TYW1B: variants seen among roughly 807,000 people sequenced by gnomAD.
The protein encoded by TYW1B is tRNA-yW synthesizing protein 1 homolog B, also known as S-adenosyl-L-methionine-dependent tRNA 4-demethylwyosine synthase TYW1B.
TYW1B carries 73 observed loss-of-function variants against 86.9 expected under a neutral mutation model. The ratio of observed to expected loss-of-function variants is 0.84; its 90% CI spans 0.70 to 1.02. The LOEUF (loss-of-function observed/expected upper bound fraction) is 1.02. Ranked by LOEUF, TYW1B falls within the 50% of genes least tolerant of loss-of-function variation. The probability of loss-of-function intolerance (pLI) is 0.00; values close to 1 mark genes in which losing one functional copy is unlikely to be tolerated. For missense variants in TYW1B, 637 were observed against 827.4 expected (o/e 0.77, Z 2.82); for synonymous variants, 248 against 292.8 (o/e 0.85, Z 1.56).
At chr7:72,782,094 G>A (rs186725752) in intron 6 of TYW1B, among the ~76,000 whole-genome samples, 1 of 152,088 alleles carries the variant, frequency 6.6e-6, no homozygotes, top group East Asian at 1.9e-4. Context: ...AACCAGCCTG[G>A]GCAACATAGT....
chr7:72,763,475 G>C (rs1183520846), intron 7 of TYW1B, among the ~76,000 whole-genome samples: 1 of 151,574 alleles, frequency 6.6e-6, no homozygotes, highest in Non-Finnish European at 1.5e-5. Flanking sequence ...GTAGAGATGA[G>C]GTTTCACCAT....
chr7:72,647,572 T>C (rs1812959049), intron 11 of TYW1B, among the ~76,000 whole-genome samples: 3 of 152,182 alleles, frequency 2.0e-5, no homozygotes, highest in Non-Finnish European at 2.9e-5. Flanking sequence ...AGGAACATCC[T>C]CCTAACAATA....
intron 3 of TYW1B, among the ~76,000 whole-genome samples, chr7:72,813,656 T>C (rs1318214053): frequency 1.3e-5 from 2 of 152,204 alleles, no homozygotes; most frequent in Non-Finnish European, 2.9e-5. Flanking sequence ...ATCCCCTAAC[T>C]GGGCATGACT....
chr7:72,691,189 GAAGT>G (rs55840708), intron 11 of TYW1B, among the ~76,000 whole-genome samples: 29,085 of 151,996 alleles, frequency 0.19, 3,027 homozygotes, highest in African/African-American at 0.27. Context: ...CATTCAGAAG[GAAGT>G]AACAGCTTGA....
At chr7:72,778,904 A>C (rs1788001218) in intron 6 of TYW1B, among the ~76,000 whole-genome samples, 1 of 150,760 alleles carries the variant, frequency 6.6e-6, no homozygotes, top group Non-Finnish European at 1.5e-5. Context: ...GATGACCCTC[A>C]TTCACTCTGT....
chr7:72,670,913 AT>A (rs1418647210), intron 11 of TYW1B, among the ~76,000 whole-genome samples: 6 of 152,196 alleles, frequency 3.9e-5, no homozygotes, highest in African/African-American at 1.4e-4. Flanking sequence ...ATGTATTTTT[AT>A]TTTTATGATG....
chr7:72,658,283 T>C (rs1585881775), intron 11 of TYW1B, among the ~76,000 whole-genome samples: 1 of 149,520 alleles, frequency 6.7e-6, no homozygotes, highest in South Asian at 2.1e-4. Context: ...GTCATTAAAA[T>C]GAATGACATA....
rs1554455237 is a variant in TYW1B, at chr7:72,713,594, C to T, written c.1370+27G>A. On this transcript the variant is annotated intron_variant, in intron 10 of 13. Transcript: ENST00000620995. ...TGCAGTGAAACATAGATTCAAGCAG[C>T]ATCTCTCCATAGGCTGGAGAACTCA... 3.2e-6 allele frequency: 5 copies of T among 1,564,022 alleles called. No homozygotes were observed. The Admixed American group carries it at 6.2e-5, about 19-fold the overall frequency.
At chr7:72,665,135 G>A (rs1813430566) in intron 11 of TYW1B, among the ~76,000 whole-genome samples, 1 of 152,170 alleles carries the variant, frequency 6.6e-6, no homozygotes, top group African/African-American at 2.4e-5. Context: ...AGCAAGGGGT[G>A]GCTAAGACAC....
intron 3 of TYW1B, among the ~76,000 whole-genome samples, chr7:72,814,420 T>C (rs1336433289): frequency 6.6e-6 from 1 of 151,642 alleles, no homozygotes; most frequent in Non-Finnish European, 1.5e-5. Context: ...CCATCTCTAC[T>C]AAAACTACAA....
chr7:72,683,918 G>C (rs1425787765), intron 11 of TYW1B, among the ~76,000 whole-genome samples: 1 of 152,124 alleles, frequency 6.6e-6, no homozygotes, highest in Non-Finnish European at 1.5e-5. Flanking sequence ...CGAAATGCTG[G>C]AGCTCTAAAA....
chr7:72,578,365 T>G lies in TYW1B; in HGVS notation c.1786-2646A>C, dbSNP rs187806559. ...CTCCTGACCTCGTGATCCGCCTGTC[T>G]TGGCCTCCCAAAGTGCTGGGATAAC... On this transcript the variant is annotated intron_variant, in intron 13 of 13. Transcript: ENST00000620995. Among the ~76,000 whole-genome samples, 71 of 152,256 alleles carry G rather than the reference T, an allele frequency of 4.7e-4. No individual in the cohort carries two copies. In the East Asian group the frequency reaches 0.014, roughly 29 times the overall value.
intron 13 of TYW1B, among the ~76,000 whole-genome samples, chr7:72,613,839 A>C (rs1376398892): frequency 3.3e-5 from 5 of 152,170 alleles, no homozygotes; most frequent in African/African-American, 1.2e-4. Flanking sequence ...GATTAAAGTC[A>C]TGTATCAGTT....
chr7:72,814,779 T>C (rs1289947998), intron 3 of TYW1B, among the ~76,000 whole-genome samples: 1 of 150,078 alleles, frequency 6.7e-6, no homozygotes, highest in Non-Finnish European at 1.5e-5. Flanking sequence ...ATAAAAATAG[T>C]AGGGGTCAGG....
At chr7:72,750,024 G>A (rs74405641) in intron 7 of TYW1B, among the ~76,000 whole-genome samples, 1 of 150,866 alleles carries the variant, frequency 6.6e-6, no homozygotes, top group Non-Finnish European at 1.5e-5. Flanking sequence ...AAGTAGCTGG[G>A]ACTACAAGAC....
chr7:72,821,805 T>G (rs1788831997), intron 2 of TYW1B, among the ~76,000 whole-genome samples: 1 of 152,116 alleles, frequency 6.6e-6, no homozygotes, highest in African/African-American at 2.4e-5. Flanking sequence ...ATTGTAAGGA[T>G]TACAAGTAGA....
Position 72,575,543 on chromosome 7 carries a change from T to C in TYW1B, c.1962A>G (p.Thr654=). 1 of 1,614,018 alleles carries C rather than the reference T, an allele frequency of 6.2e-7. No individual in the cohort carries two copies. Among genetic ancestry groups the C allele is most frequent in the South Asian group, 1.1e-5 (1 of 91,080 alleles). Residue 654 remains threonine, a synonymous_variant, in exon 14 of 14, where the codon ACA becomes ACG. Transcript: ENST00000620995. ...ANERSFDPKD[T]RHQRKNKSKA... ...TTGATTTGTTCTTTCTCTGATGTCTTGTGTCCTTGGGATCAAAGCTTCTTT... is the reference window on the plus strand; with the variant it reads ...TTGATTTGTTCTTTCTCTGATGTCTCGTGTCCTTGGGATCAAAGCTTCTTT...
chr7:72,817,641 C>A (rs116624747), intron 2 of TYW1B, among the ~76,000 whole-genome samples: 15 of 151,648 alleles, frequency 9.9e-5, no homozygotes, highest in African/African-American at 3.6e-4. Flanking sequence ...ACATGTTGAA[C>A]AAAGAATTGA....
At chr7:72,645,567 C>T (rs1347938671) in intron 11 of TYW1B, among the ~76,000 whole-genome samples, 3 of 152,112 alleles carry the variant, frequency 2.0e-5, no homozygotes, top group Non-Finnish European at 2.9e-5. Flanking sequence ...AGGAATAAAT[C>T]GTGGCATACT....
Sources: gnomAD v4.1 joint callset for allele counts (sites outside exome capture counted in the v4.1 genomes callset) on GRCh38, gnomAD v4.1.1 for gene constraint, MANE v1.5 for transcripts, NCBI Gene and HGNC (gene_info 2026-07-23, HGNC 2026-07-21) for gene names.